The following OPCML variants were observed in gnomAD, a reference collection of about 807,000 sequenced individuals.
OPCML encodes the protein opioid-binding protein/cell adhesion molecule.
OPCML carries 13 observed loss-of-function variants against 37.8 expected under a neutral mutation model. That is an observed-to-expected ratio of 0.34 (90% CI 0.22 to 0.55). The LOEUF (loss-of-function observed/expected upper bound fraction) is 0.55. Among genes scored for constraint, OPCML ranks in the 20% least tolerant of loss-of-function variants. OPCML has a pLI of 0.91. For missense variants in OPCML, 341 were observed against 435.6 expected, an observed-to-expected ratio of 0.78 and a Z score of 1.93; for synonymous variants, 176 against 168.8, an observed-to-expected ratio of 1.04 and a Z score of -0.33.
Position 133,205,249 on chromosome 11 carries a change from T to G in OPCML, c.62-262239A>C, listed in dbSNP as rs1939013341. ...TGAAGAGCTTCTGGTTGCTGAACAC[T>G]GGTAGGTTCCTTGAGGGTGGTGCTC... On this transcript the variant is annotated intron_variant, in intron 1 of 7. Coordinates refer to ENST00000524381, the MANE Select transcript of OPCML (RefSeq NM_001012393.5). This position sits in a 1 kb window ranked among gnomAD's most constrained non-coding sequence, Gnocchi z 4.8. 6.6e-6 allele frequency among the ~76,000 whole-genome samples: 1 copy of G among 152,088 alleles called. No individual in the cohort carries two copies. The highest frequency in any genetic ancestry group is 6.5e-5 in the Admixed American group (1 of 15,268).
chr11:133,438,219 A>G (rs528125821), intron 1 of OPCML, among the ~76,000 whole-genome samples: 1 of 152,304 alleles, frequency 6.6e-6, no homozygotes, highest in South Asian at 2.1e-4. Flanking sequence ...TTCTTATGTA[A>G]GAGGAGGATA....
chr11:133,196,391 C>G (rs145266339), intron 1 of OPCML, among the ~76,000 whole-genome samples: 9 of 152,320 alleles, frequency 5.9e-5, no homozygotes, highest in African/African-American at 1.7e-4. Flanking sequence ...ACCCTCCACC[C>G]AGCGATCCTT....
At chr11:132,491,632 T>A (rs1009372334) in intron 4 of OPCML, among the ~76,000 whole-genome samples, 1 of 152,248 alleles carries the variant, frequency 6.6e-6, no homozygotes, top group African/African-American at 2.4e-5. Flanking sequence ...TGCCTGAAAC[T>A]ATATTACATA....
chr11:132,717,458 G>A (rs1421486313), intron 2 of OPCML, among the ~76,000 whole-genome samples: 1 of 152,024 alleles, frequency 6.6e-6, no homozygotes, highest in African/African-American at 2.4e-5. Flanking sequence ...GAAATAGTAT[G>A]CAAACATCAC....
intron 2 of OPCML, among the ~76,000 whole-genome samples, chr11:132,939,206 G>A (rs916800525): frequency 2.5e-4 from 38 of 152,194 alleles, no homozygotes; most frequent in African/African-American, 9.2e-4. Context: ...AGAAGGAGCT[G>A]AAGGTAGGTG....
intron 3 of OPCML, among the ~76,000 whole-genome samples, chr11:132,654,984 A>C (rs1021040383): frequency 6.6e-6 from 1 of 152,196 alleles, no homozygotes; most frequent in Admixed American, 6.5e-5. Context: ...TCTGACCTGA[A>C]GCTTGGAGGT....
At chr11:132,574,795 G>T (rs896811934) in intron 3 of OPCML, among the ~76,000 whole-genome samples, 6 of 151,876 alleles carry the variant, frequency 4.0e-5, no homozygotes, top group Non-Finnish European at 5.9e-5. Flanking sequence ...GTGGTGTTAA[G>T]TCCTTGGTTT....
intron 1 of OPCML, among the ~76,000 whole-genome samples, chr11:133,395,612 T>C (rs1262639651): frequency 6.6e-6 from 1 of 152,208 alleles, no homozygotes; most frequent in East Asian, 1.9e-4. Flanking sequence ...GGATATCCAG[T>C]TTTCCCAGTA....
intron 3 of OPCML, among the ~76,000 whole-genome samples, chr11:132,551,073 G>T (rs1250629692): frequency 6.6e-6 from 1 of 152,076 alleles, no homozygotes; most frequent in Non-Finnish European, 1.5e-5. Context: ...AGAGAGATGG[G>T]CCCTTTCTCA....
intron 1 of OPCML, among the ~76,000 whole-genome samples, chr11:133,307,880 A>C (rs1314202617): frequency 6.6e-6 from 1 of 152,020 alleles, no homozygotes; most frequent in Non-Finnish European, 1.5e-5. Context: ...CCTCCCAAGC[A>C]AGTTATCACT....
Position 132,416,614 on chromosome 11 carries a change from A to T in OPCML, c.*3579T>A, listed in dbSNP as rs1441455796. ...TCTTCTCACCCAGGTTTTGAGAACA[A>T]ACTGCCCAATCTGTAAATGTATCAT... is the stretch of plus-strand genomic sequence containing the variant. On this transcript the variant is annotated 3_prime_UTR_variant, in exon 8 of 8. Coordinates refer to ENST00000524381, the MANE Select transcript of OPCML (RefSeq NM_001012393.5). 2.6e-5 allele frequency: 4 copies of T among 152,230 alleles called. No homozygotes were observed. The highest frequency in any genetic ancestry group is 5.9e-5 in the Non-Finnish European group (4 of 68,046). 9.4% of individuals were successfully genotyped at this position (152,230 alleles called of 1,614,324 possible). A position where few individuals can be genotyped will look rare whatever the true frequency, so the allele number is the denominator to read the frequency against.
At chr11:132,554,078 G>A (rs1401342769) in intron 3 of OPCML, among the ~76,000 whole-genome samples, 1 of 152,144 alleles carries the variant, frequency 6.6e-6, no homozygotes, top group Non-Finnish European at 1.5e-5. Context: ...CCTGGGGCCT[G>A]CAGAAGTTAG....
intron 1 of OPCML, among the ~76,000 whole-genome samples, chr11:132,986,219 A>C (rs1281177473): frequency 6.6e-6 from 1 of 152,184 alleles, no homozygotes; most frequent in Non-Finnish European, 1.5e-5. Context: ...TATTGCAGAA[A>C]AATCACTGAC....
chr11:133,191,606 G>C (rs938028781), intron 1 of OPCML, among the ~76,000 whole-genome samples: 1 of 151,456 alleles, frequency 6.6e-6, no homozygotes, highest in Non-Finnish European at 1.5e-5. Flanking sequence ...CAATCCTCCT[G>C]CCTCTGCCTC....
intron 2 of OPCML, among the ~76,000 whole-genome samples, chr11:132,904,341 T>C (rs1409239297): frequency 6.6e-6 from 1 of 152,160 alleles, no homozygotes; most frequent in Non-Finnish European, 1.5e-5. Flanking sequence ...TCCAACAAAT[T>C]GTAAAATCAT....
chr11:133,084,085 C>A (rs1380011322), intron 1 of OPCML, among the ~76,000 whole-genome samples: 1 of 151,910 alleles, frequency 6.6e-6, no homozygotes, highest in Non-Finnish European at 1.5e-5. Flanking sequence ...TTTTAACTGG[C>A]AAGCGGAGAC....
chr11:132,751,815 GA>G (rs796846374), intron 2 of OPCML, among the ~76,000 whole-genome samples: 12 of 152,326 alleles, frequency 7.9e-5, no homozygotes, highest in African/African-American at 2.6e-4. Flanking sequence ...CTATGTGTGT[GA>G]AAGAAAAGTG....
At chr11:132,612,074 A>G (rs1351560604) in intron 3 of OPCML, among the ~76,000 whole-genome samples, 1 of 152,228 alleles carries the variant, frequency 6.6e-6, no homozygotes, top group Non-Finnish European at 1.5e-5. Flanking sequence ...AACTATTAAG[A>G]GTATGGTAAC....
At chr11:133,204,891 T>C (rs927652750) in intron 1 of OPCML, among the ~76,000 whole-genome samples, 1 of 136,142 alleles carries the variant, frequency 7.3e-6, no homozygotes, top group Non-Finnish European at 1.6e-5. Flanking sequence ...TATATATATA[T>C]ATATATATAT....
Sources: allele counts gnomAD v4.1 joint callset (sites outside exome capture counted in the v4.1 genomes callset), GRCh38; gene constraint gnomAD v4.1.1; non-coding constraint Gnocchi (gnomAD v3.1); transcripts MANE v1.5; gene names NCBI Gene and HGNC (gene_info 2026-07-23, HGNC 2026-07-21).